CYP2C19: variants seen among roughly 807,000 people sequenced by gnomAD.
The protein encoded by CYP2C19 is cytochrome P450 family 2 subfamily C member 19.
In CYP2C19, 59 loss-of-function variants were observed where a neutral mutation model predicts 40.9. The observed-to-expected ratio is 1.44, with a 90% CI of 1.17 to 1.79. The LOEUF is 1.79. CYP2C19 is among the 40% of genes most tolerant of loss of function. CYP2C19 has a pLI of 0.00. For synonymous variants in CYP2C19, 253 were observed against 208.7 expected (o/e 1.21, Z -1.83); for missense variants, 754 against 596.9 (o/e 1.26, Z -2.74).
At chr10:94,790,588 A>G (rs1848593178) in intron 5 of CYP2C19, among the ~76,000 whole-genome samples, 1 of 152,178 alleles carries the variant, frequency 6.6e-6, no homozygotes. Context: ...CCTTTTCTAC[A>G]TCTATTGAGA....
intron 5 of CYP2C19, among the ~76,000 whole-genome samples, chr10:94,787,510 C>A (rs1589352148): frequency 6.6e-6 from 1 of 151,982 alleles, no homozygotes; most frequent in African/African-American, 2.4e-5. Flanking sequence ...TTAGGTCCCA[C>A]TTGTCAATAT....
chr10:94,824,416 G>A (rs998405819), intron 6 of CYP2C19, among the ~76,000 whole-genome samples: 2 of 152,138 alleles, frequency 1.3e-5, no homozygotes, highest in African/African-American at 4.8e-5. Flanking sequence ...TTCAGAAGAA[G>A]CTGCTAGAAT....
At chr10:94,802,899 T>C (rs1589359905) in intron 5 of CYP2C19, among the ~76,000 whole-genome samples, 2 of 152,306 alleles carry the variant, frequency 1.3e-5, no homozygotes, top group East Asian at 3.9e-4. Context: ...TTTTTAAGAA[T>C]GTTGAATATT....
At chr10:94,780,408 A>C in intron 3 of CYP2C19, 91 bp from the exon 4 acceptor site, 1 of 1,507,998 alleles carries the variant, frequency 6.6e-7, no homozygotes, top group South Asian at 1.3e-5. Context: ...ATATTACTTA[A>C]AATTTCTAAA....
chr10:94,800,818 A>G (rs1290143091), intron 5 of CYP2C19, among the ~76,000 whole-genome samples: 1 of 152,216 alleles, frequency 6.6e-6, no homozygotes, highest in African/African-American at 2.4e-5. Context: ...CATGGGACCC[A>G]CTGAGCCAGG....
intron 5 of CYP2C19, among the ~76,000 whole-genome samples, chr10:94,797,001 T>C (rs1179955040): frequency 2.0e-5 from 3 of 152,132 alleles, no homozygotes; most frequent in Non-Finnish European, 2.9e-5. Flanking sequence ...CCTACCTGAT[T>C]GCCCCGGCGA....
intron 1 of CYP2C19, among the ~76,000 whole-genome samples, chr10:94,768,359 G>T (rs1454173757): frequency 6.6e-6 from 1 of 152,066 alleles, no homozygotes; most frequent in Non-Finnish European, 1.5e-5. Context: ...CGGTATATAG[G>T]TTAAGGTCAG....
Position 94,853,983 on chromosome 10 carries a change from T to G in CYP2C19, c.*1069T>G, listed in dbSNP as rs1436222442. Among the ~76,000 whole-genome samples the G allele has an allele frequency of 6.6e-6, 1 of 152,130 alleles. No homozygotes were observed. Among genetic ancestry groups the G allele is most frequent in the Non-Finnish European group, 1.5e-5 (1 of 68,014 alleles). On this transcript the variant is annotated 3_prime_UTR_variant, in exon 9 of 9. Coordinates refer to ENST00000371321, the MANE Select transcript of CYP2C19 (RefSeq NM_000769.4). ...ATATTGCTGCTCATGTGTTTTGTCA[T>G]GCTTCTCTCTTCAAACATGAACAAA...
intron 5 of CYP2C19, among the ~76,000 whole-genome samples, chr10:94,818,478 G>A (rs1237849091): frequency 2.0e-5 from 3 of 150,582 alleles, no homozygotes; most frequent in Non-Finnish European, 3.0e-5. Context: ...AATTACCTTG[G>A]GCAGTATGGC....
chr10:94,796,339 T>A (rs1278985462), intron 5 of CYP2C19, among the ~76,000 whole-genome samples: 1 of 152,196 alleles, frequency 6.6e-6, no homozygotes, highest in African/African-American at 2.4e-5. Flanking sequence ...AGGGCTCTGT[T>A]CTGTTCCATT....
At chr10:94,835,678 GT>G (rs1163522994) in intron 6 of CYP2C19, among the ~76,000 whole-genome samples, 14 of 152,192 alleles carry the variant, frequency 9.2e-5, no homozygotes, top group Non-Finnish European at 1.2e-4. Flanking sequence ...GCTTCCTGAG[GT>G]TTGATAGATG....
chr10:94,839,353 C>T (rs1296426430), intron 6 of CYP2C19, among the ~76,000 whole-genome samples: 1 of 152,140 alleles, frequency 6.6e-6, no homozygotes, highest in Non-Finnish European at 1.5e-5. Context: ...AATCGGATTA[C>T]TTATGCTTAC....
chr10:94,767,648 A>T (rs1848265758), intron 1 of CYP2C19, among the ~76,000 whole-genome samples: 1 of 152,144 alleles, frequency 6.6e-6, no homozygotes, highest in Non-Finnish European at 1.5e-5. Context: ...TACCTGTCGG[A>T]TTGTCCAGAG....
chr10:94,783,748 T>C (rs183782144), intron 5 of CYP2C19, among the ~76,000 whole-genome samples: 1 of 152,278 alleles, frequency 6.6e-6, no homozygotes, highest in East Asian at 1.9e-4. Flanking sequence ...GTGAGTCTTT[T>C]GTTGTTCTTT....
chr10:94,786,822 C>G (rs1159484625), intron 5 of CYP2C19, among the ~76,000 whole-genome samples: 1 of 152,098 alleles, frequency 6.6e-6, no homozygotes, highest in Non-Finnish European at 1.5e-5. Context: ...CCAGCTGCAT[C>G]TATGTTGCTG....
intron 6 of CYP2C19, among the ~76,000 whole-genome samples, chr10:94,821,173 G>A (rs1223595426): frequency 6.6e-6 from 1 of 152,158 alleles, no homozygotes. Context: ...AAGACAGCAT[G>A]GCAGTTTCAA....
chr10:94,769,584 C>G (rs975473814), intron 1 of CYP2C19, among the ~76,000 whole-genome samples: 1 of 152,178 alleles, frequency 6.6e-6, no homozygotes, highest in African/African-American at 2.4e-5. Context: ...TTGCACTAGT[C>G]TCCACAGACT....
intron 5 of CYP2C19, among the ~76,000 whole-genome samples, chr10:94,808,814 G>A (rs1177628082): frequency 2.6e-5 from 4 of 151,996 alleles, no homozygotes; most frequent in Non-Finnish European, 5.9e-5. Flanking sequence ...TATGTACCAC[G>A]TTTTCTTTAT....
chr10:94,853,288 GT>G lies in CYP2C19; in HGVS notation c.*375del, dbSNP rs200806928. 2.6e-3 allele frequency: 968 copies of G among 375,788 alleles called. 9 individuals carry two copies. The highest frequency in any genetic ancestry group is 0.02 in the African/African-American group (913 of 45,424). 23.3% of individuals were successfully genotyped at this position (375,788 alleles called of 1,614,324 possible). ...CAGGTTATTAGACCTTCCTTCCTTT[GT>G]GCATAATGCAGGTGACAAATTAAAG... On this transcript the variant is annotated 3_prime_UTR_variant, in exon 9 of 9. Transcript: ENST00000371321.
Sources: gnomAD v4.1 joint callset for allele counts (sites outside exome capture counted in the v4.1 genomes callset) on GRCh38, gnomAD v4.1.1 for gene constraint, MANE v1.5 for transcripts, NCBI Gene and HGNC (gene_info 2026-07-23, HGNC 2026-07-21) for gene names.